RASEF: variants seen among roughly 807,000 people sequenced by gnomAD.
RASEF encodes the protein ras and EF-hand domain-containing protein.
RASEF carries 68 observed loss-of-function variants against 90.1 expected under a neutral mutation model. That is an observed-to-expected ratio of 0.75 (90% confidence interval 0.62 to 0.92). RASEF has a LOEUF of 0.92. Ranked by LOEUF, RASEF falls within the 40% of genes least tolerant of loss-of-function variation. RASEF has a pLI of 0.00. For synonymous variants in RASEF, 331 were observed against 345.2 expected (o/e 0.96, Z 0.46); for missense variants, 949 against 937.2 (o/e 1.01, Z -0.16).
the RASEF span, among the ~76,000 whole-genome samples, chr9:83,128,948 T>A: frequency 2.0e-5 from 3 of 152,248 alleles, no homozygotes; most frequent in African/African-American, 7.2e-5. Flanking sequence ...TGTTAATCAA[T>A]ATTTCACCAA....
upstream of RASEF, among the ~76,000 whole-genome samples, chr9:83,066,074 G>C (rs1030241881): frequency 6.6e-6 from 1 of 152,152 alleles, no homozygotes; most frequent in East Asian, 1.9e-4. Flanking sequence ...CTTAATCCGA[G>C]CATCCACAGC....
the RASEF span, among the ~76,000 whole-genome samples, chr9:83,076,648 G>A: frequency 1.3e-5 from 2 of 152,084 alleles, no homozygotes; most frequent in African/African-American, 4.8e-5. Context: ...TTCTCAAATT[G>A]TTCTATTATT....
intron 6 of RASEF, among the ~76,000 whole-genome samples, chr9:83,007,811 T>G (rs1020571603): frequency 1.3e-5 from 2 of 152,166 alleles, no homozygotes; most frequent in African/African-American, 4.8e-5. Context: ...TCCATCCCCA[T>G]GCTCGCTGAC....
chr9:83,024,905 G>A (rs1277107078), intron 2 of RASEF, among the ~76,000 whole-genome samples: 4 of 152,104 alleles, frequency 2.6e-5, no homozygotes, highest in Non-Finnish European at 5.9e-5. Context: ...ATAAGCTCCA[G>A]GCAGAAACCA....
chr9:83,144,386 A>AGGAAG, the RASEF span, among the ~76,000 whole-genome samples: 1,549 of 52,138 alleles, frequency 0.03, 85 homozygotes, highest in South Asian at 0.052. Context: ...AAAGAAAGAA[A>AGGAAG]GAAAGGAAAG....
chr9:83,067,208 G>A (rs1433378849), upstream of RASEF, among the ~76,000 whole-genome samples: 1 of 152,096 alleles, frequency 6.6e-6, no homozygotes, highest in Non-Finnish European at 1.5e-5. Context: ...AATGGAACTA[G>A]ATACCTTAGT....
At chr9:83,009,107 C>G (rs893206070) in intron 6 of RASEF, among the ~76,000 whole-genome samples, 2 of 151,152 alleles carry the variant, frequency 1.3e-5, no homozygotes, top group East Asian at 3.9e-4. Context: ...ATATTTTTCC[C>G]AAGTGTACAT....
At chr9:83,011,321 A>C (rs1209602339) in intron 5 of RASEF, among the ~76,000 whole-genome samples, 2 of 152,070 alleles carry the variant, frequency 1.3e-5, no homozygotes, top group African/African-American at 4.8e-5. Flanking sequence ...TTGGGAGGCC[A>C]AAGCGGGTGA....
intron 14 of RASEF, among the ~76,000 whole-genome samples, chr9:82,995,633 A>G (rs1359524063): frequency 6.6e-6 from 1 of 152,086 alleles, no homozygotes; most frequent in Admixed American, 6.5e-5. Context: ...TTTTGTACAG[A>G]TGGGGTCTCA....
At chr9:83,124,093 A>C in the RASEF span, among the ~76,000 whole-genome samples, 1 of 152,188 alleles carries the variant, frequency 6.6e-6, no homozygotes, top group South Asian at 2.1e-4. Context: ...TAATGTCTTC[A>C]AGGTTCATTC....
the RASEF span, among the ~76,000 whole-genome samples, chr9:83,070,667 A>C: frequency 6.6e-6 from 1 of 152,172 alleles, no homozygotes; most frequent in Non-Finnish European, 1.5e-5. Context: ...ATTTACACAA[A>C]AATACATTCT....
chr9:83,151,782 T>C, the RASEF span, among the ~76,000 whole-genome samples: 2 of 152,174 alleles, frequency 1.3e-5, no homozygotes, highest in African/African-American at 4.8e-5. Context: ...GGCTCTGCTG[T>C]GCCAGGGAAA....
chr9:83,148,833 A>T, the RASEF span, among the ~76,000 whole-genome samples: 3 of 152,240 alleles, frequency 2.0e-5, no homozygotes, highest in Non-Finnish European at 2.9e-5. Context: ...GGGAGAAGAC[A>T]GCGAGAAAAC....
chr9:83,138,159 T>C, the RASEF span, among the ~76,000 whole-genome samples: 1 of 152,070 alleles, frequency 6.6e-6, no homozygotes, highest in South Asian at 2.1e-4. Context: ...CCTTGGTATG[T>C]TGCTTTTCTG....
At chr9:83,160,787 A>T in the RASEF span, among the ~76,000 whole-genome samples, 1 of 152,172 alleles carries the variant, frequency 6.6e-6, no homozygotes, top group Non-Finnish European at 1.5e-5. Context: ...AGCCAGGCCC[A>T]GGGTCCCTGT....
At chr9:83,178,428 C>T in the RASEF span, among the ~76,000 whole-genome samples, 1 of 152,256 alleles carries the variant, frequency 6.6e-6, no homozygotes, top group South Asian at 2.1e-4. Context: ...TTTCTTTCTA[C>T]CTACTCTTAA....
the RASEF span, among the ~76,000 whole-genome samples, chr9:83,090,746 G>C: frequency 1.3e-3 from 197 of 151,830 alleles, no homozygotes; most frequent in Middle Eastern, 3.4e-3. Flanking sequence ...GTTAAAAATT[G>C]GACATTTAAA....
the RASEF span, among the ~76,000 whole-genome samples, chr9:83,154,287 C>T: frequency 1.3e-5 from 2 of 152,298 alleles, no homozygotes; most frequent in East Asian, 3.9e-4. Flanking sequence ...ACTACACAGT[C>T]TTCTGCAAAT....
rs753686403 is a variant in RASEF at position 83,062,476 on chromosome 9, A to G, written c.392T>C (p.Phe131Ser). 1 of 1,612,726 alleles carries G rather than the reference A, an allele frequency of 6.2e-7. No individual in the cohort carries two copies. Among genetic ancestry groups the G allele is most frequent in the South Asian group, 1.1e-5 (1 of 91,020 alleles). Residue 131 changes from phenylalanine to serine, a missense_variant, in exon 1 of 17, where the codon TTC becomes TCC. This residue lies in a region of RASEF where 656 missense variants were observed against 592.2 expected (regional missense o/e 1.11). Coordinates refer to ENST00000376447, the MANE Select transcript of RASEF (RefSeq NM_152573.4). ...PASPGRAWQD[F>S]QARLGDEAKF... Reference sequence around the variant, plus strand: ...GGCTTCGTCCCCAAGTCGCGCCTGGAAATCCTGCCAAGCCCGGCCGGGACT... The same window carrying G: ...GGCTTCGTCCCCAAGTCGCGCCTGGGAATCCTGCCAAGCCCGGCCGGGACT...
Sources: gnomAD v4.1 joint callset for allele counts (sites outside exome capture counted in the v4.1 genomes callset) on GRCh38, gnomAD v4.1.1 for gene constraint, gnomAD v4.1.1 regional missense constraint, MANE v1.5 for transcripts, NCBI Gene and HGNC (gene_info 2026-07-23, HGNC 2026-07-21) for gene names.